The following SNTB1 variants were observed in gnomAD, a reference collection of about 807,000 sequenced individuals.
SNTB1 encodes the protein syntrophin beta 1.
A neutral mutation model predicts 48.9 loss-of-function variants in SNTB1; 36 were observed. The observed-to-expected ratio is 0.74, with a 90% CI of 0.56 to 0.97. The LOEUF (loss-of-function observed/expected upper bound fraction) is 0.97. Ranked by LOEUF, SNTB1 falls within the 50% of genes least tolerant of loss-of-function variation. The pLI is 0.00. For missense variants in SNTB1, 786 were observed against 703.4 expected (o/e 1.12, Z -1.33); for synonymous variants, 299 against 294.6 (o/e 1.01, Z -0.15).
At chr8:120,693,205 C>T (rs185198634) in intron 2 of SNTB1, among the ~76,000 whole-genome samples, 7 of 152,284 alleles carry the variant, frequency 4.6e-5, no homozygotes, top group Admixed American at 3.3e-4. Context: ...GGTTCTGCCC[C>T]CATGACCCAA....
At chr8:120,708,711 T>C (rs1818416207) in intron 1 of SNTB1, among the ~76,000 whole-genome samples, 1 of 152,158 alleles carries the variant, frequency 6.6e-6, no homozygotes, top group Non-Finnish European at 1.5e-5. Context: ...GAGAAAAGTA[T>C]ATGACTACTT....
chr8:120,652,888 G>C (rs1817432087), intron 2 of SNTB1, among the ~76,000 whole-genome samples: 1 of 152,120 alleles, frequency 6.6e-6, no homozygotes, highest in Admixed American at 6.5e-5. Flanking sequence ...TATAGCTATA[G>C]GTCTCTCTTA....
intron 2 of SNTB1, among the ~76,000 whole-genome samples, chr8:120,666,418 C>T (rs1817673957): frequency 6.6e-6 from 1 of 152,084 alleles, no homozygotes; most frequent in Non-Finnish European, 1.5e-5. Context: ...TGCTCATTTG[C>T]ATTGCTTCTA....
chr8:120,588,638 C>T (rs1319341653), intron 3 of SNTB1, among the ~76,000 whole-genome samples: 3 of 152,092 alleles, frequency 2.0e-5, no homozygotes, highest in Non-Finnish European at 4.4e-5. Context: ...GTTATTTTCA[C>T]TGTGATCTTG....
At chr8:120,776,648 T>A (rs1188930073) in intron 1 of SNTB1, 1 of 152,040 alleles carries the variant, frequency 6.6e-6, no homozygotes, top group South Asian at 2.1e-4. Flanking sequence ...ATGTCAAGAG[T>A]CTTAATGTGA....
chr8:120,653,863 C>A (rs1210559649), intron 2 of SNTB1, among the ~76,000 whole-genome samples: 5 of 151,256 alleles, frequency 3.3e-5, no homozygotes, highest in African/African-American at 4.9e-5. Flanking sequence ...CACGGTGAAA[C>A]CCCGTCTCTA....
chr8:120,684,655 ATT>A (rs1554652904), intron 2 of SNTB1, among the ~76,000 whole-genome samples: 28 of 141,708 alleles, frequency 2.0e-4, no homozygotes, highest in East Asian at 2.0e-4. Context: ...CAAAAATTGA[ATT>A]TTTTTTTTTT....
intron 2 of SNTB1, among the ~76,000 whole-genome samples, chr8:120,653,556 A>G (rs971417035): frequency 4.6e-5 from 7 of 152,186 alleles, no homozygotes; most frequent in African/African-American, 1.4e-4. Context: ...AGTTTGTGGT[A>G]CTTTGTTATG....
chr8:120,658,454 G>A (rs980120538), intron 2 of SNTB1, among the ~76,000 whole-genome samples: 4 of 152,168 alleles, frequency 2.6e-5, no homozygotes, highest in African/African-American at 7.2e-5. Flanking sequence ...GATATCATGG[G>A]TTCAGTTCCA....
intron 2 of SNTB1, among the ~76,000 whole-genome samples, chr8:120,639,906 T>G (rs548403397): frequency 9.2e-5 from 14 of 152,306 alleles, no homozygotes; most frequent in African/African-American, 3.4e-4. Flanking sequence ...TTTTTTCAAT[T>G]CTGTGAAGAA....
chr8:120,806,105 G>A (rs550351343), intron 1 of SNTB1, among the ~76,000 whole-genome samples: 9 of 152,328 alleles, frequency 5.9e-5, no homozygotes, highest in South Asian at 2.1e-4. Context: ...ACAAAGTGAC[G>A]AGGCAGAATT....
At chr8:120,809,442 A>T (rs1235587780) in intron 1 of SNTB1, among the ~76,000 whole-genome samples, 1 of 151,770 alleles carries the variant, frequency 6.6e-6, no homozygotes, top group African/African-American at 2.4e-5. Context: ...TAACTGCTTG[A>T]TTTTTTTTCT....
chr8:120,750,025 T>G (rs1006735981), intron 1 of SNTB1, among the ~76,000 whole-genome samples: 1 of 152,182 alleles, frequency 6.6e-6, no homozygotes, highest in Non-Finnish European at 1.5e-5. Flanking sequence ...CCAATTATTT[T>G]AATTATTAAG....
intron 5 of SNTB1, among the ~76,000 whole-genome samples, chr8:120,546,376 A>G (rs1252548457): frequency 2.0e-5 from 3 of 152,222 alleles, no homozygotes; most frequent in East Asian, 1.9e-4. Context: ...CGGGTTAAAT[A>G]TGGATGGAGT....
intron 1 of SNTB1, among the ~76,000 whole-genome samples, chr8:120,803,951 C>A (rs573818370): frequency 6.6e-6 from 1 of 152,180 alleles, no homozygotes; most frequent in South Asian, 2.1e-4. Flanking sequence ...CTACCTATAC[C>A]TTTTGTAATC....
intron 2 of SNTB1, among the ~76,000 whole-genome samples, chr8:120,676,227 T>C (rs536119109): frequency 6.6e-6 from 1 of 152,370 alleles, no homozygotes; most frequent in East Asian, 1.9e-4. Flanking sequence ...AATTCTATCC[T>C]TCCAAAATTC....
intron 1 of SNTB1, among the ~76,000 whole-genome samples, chr8:120,737,043 T>C (rs535089287): frequency 6.6e-6 from 1 of 152,338 alleles, no homozygotes; most frequent in South Asian, 2.1e-4. Context: ...ATTAGCATGA[T>C]GGAGCGGCAG....
intron 3 of SNTB1, among the ~76,000 whole-genome samples, chr8:120,605,774 G>A (rs887439952): frequency 6.6e-5 from 10 of 152,156 alleles, no homozygotes; most frequent in Non-Finnish European, 1.2e-4. Context: ...AGCTATGCAC[G>A]GAATTATGCT....
At chr8:120,751,965 T>C (rs531270457) in intron 1 of SNTB1, among the ~76,000 whole-genome samples, 4 of 152,286 alleles carry the variant, frequency 2.6e-5, no homozygotes, top group Middle Eastern at 3.4e-3. Flanking sequence ...ATTTAAAATG[T>C]TGTAGACGAT....
Sources: allele counts gnomAD v4.1 joint callset (sites outside exome capture counted in the v4.1 genomes callset), GRCh38; gene constraint gnomAD v4.1.1; transcripts MANE v1.5; gene names NCBI Gene and HGNC (gene_info 2026-07-23, HGNC 2026-07-21).